Variants in CAMK2D observed in about 807,000 individuals in gnomAD.
CAMK2D encodes calcium/calmodulin dependent protein kinase II delta.
Under a neutral mutation model 84.0 loss-of-function variants are expected in CAMK2D, and 37 were observed. That is an observed-to-expected ratio of 0.44 (90% CI 0.34 to 0.58). The LOEUF (loss-of-function observed/expected upper bound fraction) is 0.58. Ranked by LOEUF, CAMK2D falls within the 20% of genes least tolerant of loss-of-function variation. The pLI, the probability that CAMK2D is intolerant of heterozygous loss-of-function variation, is 0.02. For synonymous variants in CAMK2D, 202 were observed against 212.5 expected (o/e 0.95, Z 0.43); for missense variants, 448 against 652.5 (o/e 0.69, Z 3.41).
intron 2 of CAMK2D, among the ~76,000 whole-genome samples, chr4:113,738,861 G>C (rs1417072392): frequency 2.6e-5 from 4 of 151,882 alleles, no homozygotes; most frequent in Admixed American, 6.6e-5. Context: ...ATGTAATATG[G>C]GGAACAATAT....
intron 2 of CAMK2D, among the ~76,000 whole-genome samples, chr4:113,684,647 T>A (rs971189823): frequency 2.6e-5 from 4 of 152,154 alleles, no homozygotes; most frequent in African/African-American, 9.7e-5. Context: ...GCACACTATG[T>A]CCCATCTTGC....
rs1175765982 is a variant in CAMK2D at position 113,493,782 on chromosome 4, A to G, written c.1135+6681T>C. 1.1e-4 allele frequency among the ~76,000 whole-genome samples: 16 copies of G among 151,690 alleles called. No homozygotes were observed. The East Asian group carries it at 2.3e-3, about 22-fold the overall frequency. On this transcript the variant is annotated intron_variant, in intron 16 of 20. Coordinates refer to ENST00000511664, the MANE Select transcript of CAMK2D (RefSeq NM_001321571.2). ...CTCCCCATCACTTTCAGGTACACCA[A>G]TCAGACGTAGATTTGGTCTTTTCAC... is the stretch of plus-strand genomic sequence containing the variant.
At chr4:113,731,897 A>T (rs778960848) in intron 2 of CAMK2D, among the ~76,000 whole-genome samples, 1 of 151,532 alleles carries the variant, frequency 6.6e-6, no homozygotes, top group Non-Finnish European at 1.5e-5. Context: ...TGCTCTTTTT[A>T]TATGGCCCTC....
At chr4:113,617,138 T>C (rs947671383) in intron 3 of CAMK2D, among the ~76,000 whole-genome samples, 2 of 152,142 alleles carry the variant, frequency 1.3e-5, no homozygotes, top group African/African-American at 4.8e-5. Context: ...TGCAAGTTAG[T>C]CAGTGATCTC....
intron 14 of CAMK2D, among the ~76,000 whole-genome samples, chr4:113,504,759 A>G (rs888832309): frequency 6.6e-6 from 1 of 151,726 alleles, no homozygotes; most frequent in Non-Finnish European, 1.5e-5. Context: ...ATCTCATGTT[A>G]GAACACACTG....
chr4:113,707,505 T>G (rs1177344934), intron 2 of CAMK2D, among the ~76,000 whole-genome samples: 6 of 152,172 alleles, frequency 3.9e-5, no homozygotes, highest in Admixed American at 3.9e-4. Context: ...TTTGGGTTAC[T>G]AAGGAAAATT....
chr4:113,617,178 T>TA (rs1407719330), intron 3 of CAMK2D, among the ~76,000 whole-genome samples: 1 of 152,068 alleles, frequency 6.6e-6, no homozygotes, highest in East Asian at 1.9e-4. Flanking sequence ...TTAGGAATAT[T>TA]AAAAAAGGGC....
intron 17 of CAMK2D, among the ~76,000 whole-genome samples, chr4:113,464,674 C>G (rs754214803): frequency 3.0e-4 from 46 of 152,086 alleles, no homozygotes; most frequent in Non-Finnish European, 2.1e-4. Flanking sequence ...TTTAAATAAG[C>G]ATTAAAACCC....
intron 2 of CAMK2D, among the ~76,000 whole-genome samples, chr4:113,733,114 T>C (rs1428891199): frequency 1.3e-5 from 2 of 151,662 alleles, no homozygotes; most frequent in Non-Finnish European, 1.5e-5. Flanking sequence ...GGGGTGAGAG[T>C]TGTATGTGCA....
intron 3 of CAMK2D, among the ~76,000 whole-genome samples, chr4:113,648,115 G>A (rs999572072): frequency 1.3e-5 from 2 of 152,092 alleles, no homozygotes; most frequent in African/African-American, 4.8e-5. Flanking sequence ...AGTATAAATT[G>A]ATATAACCCT....
chr4:113,749,262 C>A (rs1055251644), intron 2 of CAMK2D, among the ~76,000 whole-genome samples: 2 of 140,386 alleles, frequency 1.4e-5, no homozygotes, highest in African/African-American at 5.2e-5. Flanking sequence ...GGAACCCCGC[C>A]CCCCCCACCC....
intron 3 of CAMK2D, among the ~76,000 whole-genome samples, chr4:113,618,491 T>C (rs1248863084): frequency 6.6e-6 from 1 of 152,182 alleles, no homozygotes; most frequent in Non-Finnish European, 1.5e-5. Context: ...TTCAATTCCT[T>C]TTTTGAAAAT....
At chr4:113,647,399 T>A (rs1442392005) in intron 3 of CAMK2D, among the ~76,000 whole-genome samples, 2 of 152,364 alleles carry the variant, frequency 1.3e-5, no homozygotes, top group East Asian at 3.9e-4. Flanking sequence ...ACTTTTTTTA[T>A]GAAAAAGAAA....
At chr4:113,612,854 G>A (rs1220754739) in intron 3 of CAMK2D, among the ~76,000 whole-genome samples, 2 of 152,092 alleles carry the variant, frequency 1.3e-5, no homozygotes, top group Non-Finnish European at 2.9e-5. Context: ...TAGTTCCAAA[G>A]GTTAGCTGAC....
chr4:113,661,839 T>A, intron 2 of CAMK2D, 67 bp from the exon 3 acceptor site: 1 of 766,540 alleles, frequency 1.3e-6, no homozygotes, highest in South Asian at 1.7e-5. Flanking sequence ...ATAAACAGCA[T>A]AACAAAATGA....
Position 113,620,682 on chromosome 4 carries a change from A to T in CAMK2D, c.221-11476T>A, listed in dbSNP as rs2099042126. On this transcript the variant is annotated intron_variant, in intron 3 of 20. Transcript: ENST00000511664. The stretch of plus-strand genomic sequence containing the variant: ...ACCTACATGCCCAGCTAATTTTTGT[A>T]TTTTTAGTAGAGACAGGATTTCACC... 3.9e-5 allele frequency among the ~76,000 whole-genome samples: 6 copies of T among 151,948 alleles called. No individual in the cohort carries two copies. The South Asian group carries it at 1.2e-3, about 32-fold the overall frequency.
intron 4 of CAMK2D, among the ~76,000 whole-genome samples, chr4:113,556,169 AC>A (rs1256036689): frequency 6.6e-6 from 1 of 152,176 alleles, no homozygotes; most frequent in African/African-American, 2.4e-5. Flanking sequence ...CAACACAGCA[AC>A]CCTATGAAGT....
chr4:113,471,196 ATTCT>A (rs2097542608), intron 16 of CAMK2D, among the ~76,000 whole-genome samples: 2 of 152,156 alleles, frequency 1.3e-5, no homozygotes, highest in South Asian at 4.2e-4. Context: ...TCTGGATTCA[ATTCT>A]TTCTTTGTTT....
At chr4:113,670,033 C>A (rs1291387119) in intron 2 of CAMK2D, among the ~76,000 whole-genome samples, 1 of 152,170 alleles carries the variant, frequency 6.6e-6, no homozygotes, top group African/African-American at 2.4e-5. Flanking sequence ...GTAATCCCAG[C>A]AATTTGGGAG....
Sources: allele counts gnomAD v4.1 joint callset (sites outside exome capture counted in the v4.1 genomes callset), GRCh38; gene constraint gnomAD v4.1.1; transcripts MANE v1.5; gene names NCBI Gene and HGNC (gene_info 2026-07-23, HGNC 2026-07-21).